Variants in C13orf46 observed in about 807,000 individuals in gnomAD.
The protein encoded by C13orf46 is uncharacterized protein C13orf46.
rs2052523375 is a variant in C13orf46, at chr13:113,955,707, GGAGGAGTAGTGTCTGGCAGAGAC to G, written c.*1043_*1065del. 5.1e-5 allele frequency: 5 copies of G among 98,190 alleles called. No individual in the cohort carries two copies. Among genetic ancestry groups the G allele is most frequent in the South Asian group, 5.1e-4 (2 of 3,946 alleles). 6.1% of individuals were successfully genotyped at this position (98,190 alleles called of 1,614,324 possible). ...GACGAGGAGTAGTGTCTGGCGGAGAGGAGGAGTAGTGTCTGGCAGAGACGAGGAGTAGTGTCTGGCAGAGAGGA... is the reference window on the plus strand; with the variant it reads ...GACGAGGAGTAGTGTCTGGCGGAGAGGAGGAGTAGTGTCTGGCAGAGAGGA... On this transcript the variant is annotated 3_prime_UTR_variant, in exon 7 of 7. Coordinates refer to ENST00000636427, the MANE Select transcript of C13orf46 (RefSeq NM_001365455.2).
At chr13:113,960,356 C>T (rs1001099868) in intron 6 of C13orf46, among the ~76,000 whole-genome samples, 1 of 152,190 alleles carries the variant, frequency 6.6e-6, no homozygotes. Context: ...CTGGTTTGCT[C>T]TTAATGAAAT....
Position 113,960,255 on chromosome 13 carries a change from C to CAA in C13orf46, c.573-3418_573-3417dup, listed in dbSNP as rs879036504. 1.9e-3 allele frequency among the ~76,000 whole-genome samples: 294 copies of CAA among 150,824 alleles called. 1 individual carries two copies. Among genetic ancestry groups the CAA allele is most frequent in the Middle Eastern group, 3.4e-3 (1 of 290 alleles). On this transcript the variant is annotated intron_variant, in intron 6 of 6. Coordinates refer to ENST00000636427, the MANE Select transcript of C13orf46 (RefSeq NM_001365455.2). ...TGGGCGACAGAGCGAGACTCTGTCT[C>CAA]AAAAAAAAAGATTGAGCTTTGATAT...
At chr13:113,943,236 G>A in the C13orf46 span, among the ~76,000 whole-genome samples, 1 of 152,216 alleles carries the variant, frequency 6.6e-6, no homozygotes, top group Non-Finnish European at 1.5e-5. Flanking sequence ...AGGGCCTGAG[G>A]ACATGTGTCC....
the C13orf46 span, among the ~76,000 whole-genome samples, chr13:113,936,370 G>T: frequency 6.6e-6 from 1 of 152,182 alleles, no homozygotes; most frequent in African/African-American, 2.4e-5. Flanking sequence ...CCGGCTATGG[G>T]GAAATATTTT....
At chr13:113,965,894 T>A (rs2052637177) in intron 5 of C13orf46, among the ~76,000 whole-genome samples, 1 of 149,722 alleles carries the variant, frequency 6.7e-6, no homozygotes, top group South Asian at 2.2e-4. Context: ...GTAATGGTGA[T>A]GGTGATGATG....
At chr13:113,945,644 G>A in the C13orf46 span, among the ~76,000 whole-genome samples, 1 of 137,212 alleles carries the variant, frequency 7.3e-6, no homozygotes, top group South Asian at 2.2e-4. Flanking sequence ...AAGAAAGAAA[G>A]AAAGAAAGAA....
chr13:113,938,303 C>T, the C13orf46 span, among the ~76,000 whole-genome samples: 4 of 152,178 alleles, frequency 2.6e-5, no homozygotes, highest in Non-Finnish European at 5.9e-5. Flanking sequence ...TCCAACAGCT[C>T]AAATGTATTA....
At chr13:113,941,650 CTG>C in the C13orf46 span, among the ~76,000 whole-genome samples, 2 of 152,230 alleles carry the variant, frequency 1.3e-5, no homozygotes, top group African/African-American at 4.8e-5. Flanking sequence ...TGGGCTGCTG[CTG>C]TTTCTCTGCC....
chr13:113,949,447 A>G (rs1418603450), downstream of C13orf46, among the ~76,000 whole-genome samples: 1 of 152,114 alleles, frequency 6.6e-6, no homozygotes, highest in Admixed American at 6.6e-5. Context: ...GGTCTGTGAC[A>G]CTCCAGGTCG....
intron 2 of C13orf46, among the ~76,000 whole-genome samples, chr13:113,969,296 C>A (rs1227914906): frequency 6.6e-6 from 1 of 152,266 alleles, no homozygotes. Flanking sequence ...ATGGCGTTGA[C>A]TTGGCCGAGG....
At chr13:113,948,731 T>C (rs973077924), downstream of C13orf46, among the ~76,000 whole-genome samples, 126 of 152,354 alleles carry the variant, frequency 8.3e-4, no homozygotes, top group African/African-American at 2.9e-3. Flanking sequence ...TCAGTGTGCA[T>C]GAGCTTATCA....
At chr13:113,966,220 T>C (rs2052645405) in intron 5 of C13orf46, among the ~76,000 whole-genome samples, 1 of 151,162 alleles carries the variant, frequency 6.6e-6, no homozygotes, top group African/African-American at 2.4e-5. Flanking sequence ...ATTATAATGG[T>C]GGTGATGATG....
the C13orf46 span, among the ~76,000 whole-genome samples, chr13:113,948,089 G>T: frequency 6.6e-6 from 1 of 152,252 alleles, no homozygotes; most frequent in Non-Finnish European, 1.5e-5. Flanking sequence ...GTTCCCAAGA[G>T]ATGGTGTGGA....
At chr13:113,941,726 G>C in the C13orf46 span, among the ~76,000 whole-genome samples, 1 of 152,218 alleles carries the variant, frequency 6.6e-6, no homozygotes, top group Admixed American at 6.5e-5. Flanking sequence ...CAGGCACCCT[G>C]GGTGCTGCCC....
At chr13:113,966,766 G>A (rs1205544236) in intron 5 of C13orf46, among the ~76,000 whole-genome samples, 3 of 152,006 alleles carry the variant, frequency 2.0e-5, no homozygotes, top group East Asian at 1.9e-4. Flanking sequence ...TAATGATGGT[G>A]TTGATGCTGA....
intron 5 of C13orf46, among the ~76,000 whole-genome samples, chr13:113,966,001 A>G (rs1307144417): frequency 6.7e-6 from 1 of 148,480 alleles, no homozygotes; most frequent in Non-Finnish European, 1.5e-5. Context: ...GATAGTGGTG[A>G]TGATGATGAT....
chr13:113,946,024 A>G, the C13orf46 span, among the ~76,000 whole-genome samples: 1 of 152,238 alleles, frequency 6.6e-6, no homozygotes, highest in African/African-American at 2.4e-5. Flanking sequence ...AGTGCAGGGC[A>G]GTAAACCCAC....
the C13orf46 span, among the ~76,000 whole-genome samples, chr13:113,938,044 G>A: frequency 6.6e-6 from 1 of 152,164 alleles, no homozygotes; most frequent in Non-Finnish European, 1.5e-5. Context: ...GGTTTGCCTG[G>A]CACAGTTCCC....
At chr13:113,937,338 T>A in the C13orf46 span, among the ~76,000 whole-genome samples, 1 of 152,216 alleles carries the variant, frequency 6.6e-6, no homozygotes, top group African/African-American at 2.4e-5. Context: ...CGTGGCCACG[T>A]ATGGCTCCTA....
Sources: gnomAD v4.1 joint callset for allele counts (sites outside exome capture counted in the v4.1 genomes callset) on GRCh38, gnomAD v4.1.1 for gene constraint, MANE v1.5 for transcripts, NCBI Gene and HGNC (gene_info 2026-07-23, HGNC 2026-07-21) for gene names.